Variants in XPOT observed in about 807,000 individuals in gnomAD.
The protein encoded by XPOT is exportin for tRNA.
In XPOT, 34 loss-of-function variants were observed where a neutral mutation model predicts 128.2. The ratio of observed to expected loss-of-function variants is 0.27; its 90% CI spans 0.20 to 0.35. The LOEUF (loss-of-function observed/expected upper bound fraction) is 0.35. Ranked by LOEUF, XPOT falls within the 10% of genes least tolerant of loss-of-function variation. The pLI is 1.00. For synonymous variants in XPOT, 348 were observed against 394.3 expected (o/e 0.88, Z 1.39); for missense variants, 838 against 1,125.3 (o/e 0.74, Z 3.65).
Position 64,425,066 on chromosome 12 carries a change from G to A in XPOT, c.1336G>A (p.Val446Ile), listed in dbSNP as rs1284159016. Reference sequence around the variant, plus strand: ...TTGGCAGACTACACGGTTTATGGAAGTTGAAGTAGCAATAAGATTGCTGTA... The same window carrying A: ...TTGGCAGACTACACGGTTTATGGAAATTGAAGTAGCAATAAGATTGCTGTA... ...QNWQTTRFMEVEVAIRLLYML... is the reference protein window; with the variant it reads ...QNWQTTRFMEIEVAIRLLYML... The change falls in exon 13 of 25, where the codon GTT becomes ATT. Residue 446 changes from valine (V) to isoleucine (I), a missense_variant. Around this residue, in one of 3 missense-constraint regions of XPOT, gnomAD observed 761 missense variants for 988.3 expected, o/e 0.77. Transcript: ENST00000332707. 3.1e-6 allele frequency: 5 copies of A among 1,612,846 alleles called. No individual in the cohort carries two copies. Among genetic ancestry groups the A allele is most frequent in the Admixed American group, 1.7e-5 (1 of 60,000 alleles).
Position 64,430,262 on chromosome 12 carries a change from C to T in XPOT, c.1951C>T (p.Leu651Phe). The change falls in exon 17 of 25, where the codon CTT becomes TTT. Residue 651 changes from leucine (L) to phenylalanine (F), a missense_variant. By Grantham distance (22) the Leu-to-Phe change is conservative. Coordinates refer to ENST00000332707, the MANE Select transcript of XPOT (RefSeq NM_007235.6). ...AAGGCAAGCCTCTCTAGCAGACTGT[C>T]TTAACCATGCTGTTGGATTTGCAAG... ...EERQASLADCLNHAVGFASRT... is the reference protein window; with the variant it reads ...EERQASLADCFNHAVGFASRT... The T allele has an allele frequency of 6.3e-7, 1 of 1,588,218 alleles. No homozygotes were observed.
rs2040061991 is a variant in XPOT, at chr12:64,413,776, A to T, written c.61-1131A>T. On this transcript the variant is annotated intron_variant, in intron 2 of 24. Coordinates refer to ENST00000332707, the MANE Select transcript of XPOT (RefSeq NM_007235.6). ...TGTGTGTGTATATATTTATAGGTAC[A>T]TATGCACATAAATAACTAAAACAAG... Among the ~76,000 whole-genome samples, 3 of 152,358 alleles carry T rather than the reference A, an allele frequency of 2.0e-5. No homozygotes were observed. In the South Asian group the frequency reaches 6.2e-4, roughly 32 times the overall value.
In XPOT at chr12:64,415,886, C is replaced by T. The variant is rs148231515; in HGVS notation, c.144-812C>T. Among the ~76,000 whole-genome samples the T allele has an allele frequency of 3.2e-4, 48 of 152,188 alleles. 1 individual carries two copies. Among genetic ancestry groups the T allele is most frequent in the African/African-American group, 9.4e-4 (39 of 41,514 alleles). ...CATAGATTTTTAAGATATTTGTCCC[C>T]GCCTCTCAAGTCTTCTGGTTATATA... On this transcript the variant is annotated intron_variant, in intron 3 of 24. Transcript: ENST00000332707.
In XPOT at chr12:64,430,249, T is replaced by C; in HGVS notation, c.1938T>C (p.Ser646=). The change falls in exon 17 of 25, where the codon TCT becomes TCC. Residue 646 remains serine, a synonymous_variant. Coordinates refer to ENST00000332707, the MANE Select transcript of XPOT (RefSeq NM_007235.6). ...CACAAGATGAAGAAAGGCAAGCCTC[T>C]CTAGCAGACTGTCTTAACCATGCTG... The part of the protein sequence containing the change: ...MLAQDEERQA[S]LADCLNHAVG... 1 of 1,607,160 alleles carries C rather than the reference T, an allele frequency of 6.2e-7. No individual in the cohort carries two copies. The highest frequency in any genetic ancestry group is 8.5e-7 in the Non-Finnish European group (1 of 1,177,470).
rs545506850 is a variant in XPOT at position 64,449,719 on chromosome 12, A to G, written c.*1588A>G. The G allele has an allele frequency of 7.2e-5, 11 of 152,270 alleles. No individual in the cohort carries two copies. The highest frequency in any genetic ancestry group is 1.3e-4 in the Non-Finnish European group (9 of 68,040). 9.4% of individuals were successfully genotyped at this position (152,270 alleles called of 1,614,324 possible). A position where few individuals can be genotyped will look rare whatever the true frequency, so the allele number is the denominator to read the frequency against. On this transcript the variant is annotated 3_prime_UTR_variant, in exon 25 of 25. Transcript: ENST00000332707. Reference sequence around the variant, plus strand: ...AATAAATCAGTGAAATGTACCTTATACTTTAATAAAAAATGTTTTCAGAAA... The same window carrying G: ...AATAAATCAGTGAAATGTACCTTATGCTTTAATAAAAAATGTTTTCAGAAA...
chr12:64,430,944 TTTTC>T (rs1461906025), intron 17 of XPOT, among the ~76,000 whole-genome samples: 1 of 152,106 alleles, frequency 6.6e-6, no homozygotes, highest in Non-Finnish European at 1.5e-5. Context: ...TTTTTTTCTT[TTTTC>T]TTTTTTTTGT....
At position 64,428,175 on chromosome 12, in the gene XPOT, G is replaced by A. The variant is rs973549058; in HGVS notation, c.1737+55G>A. Reference sequence around the variant, plus strand: ...CCCAGAATTCATTGAAGCCACACGTGCCATTAGCCTTGCCTTTGTTGGCAT... The same window carrying A: ...CCCAGAATTCATTGAAGCCACACGTACCATTAGCCTTGCCTTTGTTGGCAT... On this transcript the variant is annotated intron_variant, in intron 16 of 24. Coordinates refer to ENST00000332707, the MANE Select transcript of XPOT (RefSeq NM_007235.6). 9.8e-6 allele frequency: 12 copies of A among 1,219,916 alleles called. No individual in the cohort carries two copies. The East Asian group carries it at 1.7e-4, about 17-fold the overall frequency. The allele number at this position is 1,219,916 out of a possible 1,614,324, so 75.6% of individuals were successfully genotyped here.
At chr12:64,417,882 T>A (rs2040102401) in intron 4 of XPOT, among the ~76,000 whole-genome samples, 164 bp from the exon 5 acceptor site, 1 of 152,364 alleles carries the variant, frequency 6.6e-6, no homozygotes, top group South Asian at 2.1e-4. Flanking sequence ...ACTCTTGTCC[T>A]TATCTTTAAA....
chr12:64,449,692 AAAAT>A lies in XPOT; in HGVS notation c.*1566_*1569del, dbSNP rs1275910933. 2 of 152,386 alleles carry A rather than the reference AAAAT, an allele frequency of 1.3e-5. No homozygotes were observed. Among genetic ancestry groups the A allele is most frequent in the African/African-American group, 4.8e-5 (2 of 41,598 alleles). The allele number at this position is 152,386 out of a possible 1,614,324, so 9.4% of individuals were successfully genotyped here. A position where few individuals can be genotyped will look rare whatever the true frequency, so the allele number is the denominator to read the frequency against. ...ATACTTAACTAAATTGACAGTTATAAAAATAAATCAGTGAAATGTACCTTATACT... is the reference window on the plus strand; with the variant it reads ...ATACTTAACTAAATTGACAGTTATAAAAATCAGTGAAATGTACCTTATACT... On this transcript the variant is annotated 3_prime_UTR_variant, in exon 25 of 25. Transcript: ENST00000332707.
At chr12:64,421,752 A>G (rs1422316236) in intron 9 of XPOT, among the ~76,000 whole-genome samples, 1 of 151,794 alleles carries the variant, frequency 6.6e-6, no homozygotes, top group East Asian at 1.9e-4. Context: ...TACAGTTGAA[A>G]TTTTCATAAG....
rs2040208463 is a variant in XPOT at position 64,428,141 on chromosome 12, G to A, written c.1737+21G>A. On this transcript the variant is annotated intron_variant, in intron 16 of 24. Coordinates refer to ENST00000332707, the MANE Select transcript of XPOT (RefSeq NM_007235.6). ...CACCTGTAAGTATCTGTCTCTTTAA[G>A]ATATTTTACCCAGAATTCATTGAAG... The A allele has an allele frequency of 2.7e-6, 4 of 1,489,324 alleles. No individual in the cohort carries two copies. The East Asian group carries it at 9.1e-5, about 34-fold the overall frequency. 92.3% of individuals were successfully genotyped at this position (1,489,324 alleles called of 1,614,324 possible). A position where few individuals can be genotyped will look rare whatever the true frequency, so the allele number is the denominator to read the frequency against.
chr12:64,405,928 T>A (rs1250504576), intron 1 of XPOT, among the ~76,000 whole-genome samples: 3 of 151,826 alleles, frequency 2.0e-5, no homozygotes, highest in African/African-American at 7.3e-5. Context: ...CCACTGCATA[T>A]TGATCGTCCA....
chr12:64,406,388 G>T (rs1452811154), intron 1 of XPOT, among the ~76,000 whole-genome samples: 1 of 139,992 alleles, frequency 7.1e-6, no homozygotes, highest in Non-Finnish European at 1.5e-5. Flanking sequence ...ATTTTTTTTA[G>T]ATGGAGTTTC....
In XPOT at chr12:64,426,298, C is replaced by CAA. The variant is rs144538945; in HGVS notation, c.1667+403_1667+404dup. On this transcript the variant is annotated intron_variant, in intron 15 of 24. Coordinates refer to ENST00000332707, the MANE Select transcript of XPOT (RefSeq NM_007235.6). ...TGGGTGACAGCGTGAGACTCAGTCT[C>CAA]AAAAAAAAAAAAAAAGAAAAAGAAA... is the stretch of plus-strand genomic sequence containing the variant. Among the ~76,000 whole-genome samples the CAA allele has an allele frequency of 5.9e-3, 728 of 123,112 alleles. 12 individuals are homozygous for CAA. Among genetic ancestry groups the CAA allele is most frequent in the African/African-American group, 0.015 (479 of 31,784 alleles). The allele number at this position is 123,112 out of a possible 152,430, so 80.8% of individuals were successfully genotyped here.
chr12:64,437,062 C>G (rs1430809013), intron 22 of XPOT, among the ~76,000 whole-genome samples: 1 of 152,182 alleles, frequency 6.6e-6, no homozygotes, highest in African/African-American at 2.4e-5. Flanking sequence ...AGAACATGAG[C>G]TTTTGCTCAG....
chr12:64,439,076 A>T (rs1386205905), intron 22 of XPOT, among the ~76,000 whole-genome samples, 168 bp from the exon 23 acceptor site: 2 of 152,216 alleles, frequency 1.3e-5, no homozygotes, highest in Admixed American at 6.5e-5. Context: ...GTATAATTTT[A>T]AAGAAGGTGC....
intron 24 of XPOT, among the ~76,000 whole-genome samples, chr12:64,447,320 A>C (rs918699797): frequency 2.0e-5 from 3 of 152,210 alleles, no homozygotes; most frequent in Non-Finnish European, 4.4e-5. Context: ...CATGGATGGC[A>C]GCATGTAGTA....
At position 64,420,148 on chromosome 12, in the gene XPOT, A is replaced by C; in HGVS notation, c.568A>C (p.Ile190Leu). The C allele has an allele frequency of 1.2e-6, 2 of 1,612,534 alleles. No individual in the cohort carries two copies. Among genetic ancestry groups the C allele is most frequent in the Non-Finnish European group, 1.7e-6 (2 of 1,179,440 alleles). The stretch of plus-strand genomic sequence containing the variant: ...AAATCTGGTGGAATCATGGTACCAA[A>C]TATTACAAAATTATCAGTTTACTAA... ...IPNLVESWYQ[I>L]LQNYQFTNSE... The change falls in exon 7 of 25, where the codon ATA becomes CTA. Residue 190 changes from isoleucine to leucine, a missense_variant. Physicochemically the swap from Ile to Leu is conservative, Grantham distance 5. Coordinates refer to ENST00000332707, the MANE Select transcript of XPOT (RefSeq NM_007235.6).
chr12:64,428,232 G>C, intron 16 of XPOT, 112 bp downstream of exon 16: 1 of 685,402 alleles, frequency 1.5e-6, no homozygotes, highest in Non-Finnish European at 2.4e-6. Flanking sequence ...GGAGGGAAGT[G>C]TATGTGCAAA....
Sources: gnomAD v4.1 joint callset for allele counts (sites outside exome capture counted in the v4.1 genomes callset) on GRCh38, gnomAD v4.1.1 for gene constraint, gnomAD v4.1.1 regional missense constraint, MANE v1.5 for transcripts, NCBI Gene and HGNC (gene_info 2026-07-23, HGNC 2026-07-21) for gene names.